Variants in GAB2 observed in about 807,000 individuals in gnomAD.
The protein encoded by GAB2 is GRB2 associated binding protein 2.
A neutral mutation model predicts 65.5 loss-of-function variants in GAB2; 26 were observed. The ratio of observed to expected loss-of-function variants is 0.40; its 90% CI spans 0.29 to 0.55. GAB2 has a LOEUF of 0.55. Ranked by LOEUF, GAB2 falls within the 20% of genes least tolerant of loss-of-function variation. The pLI is 0.53. For missense variants in GAB2, 884 were observed against 875.8 expected (o/e 1.01, Z -0.12); for synonymous variants, 321 against 329.6 (o/e 0.97, Z 0.28).
At chr11:78,400,018 G>T (rs184181652) in intron 1 of GAB2, among the ~76,000 whole-genome samples, 1 of 152,280 alleles carries the variant, frequency 6.6e-6, no homozygotes, top group Admixed American at 6.5e-5. Context: ...CCATCTGTGA[G>T]GGAAAGACTC....
At chr11:78,263,359 C>A (rs1678342973) in intron 2 of GAB2, among the ~76,000 whole-genome samples, 1 of 146,260 alleles carries the variant, frequency 6.8e-6, no homozygotes, top group Admixed American at 7.1e-5. Context: ...TCTGGCCGGG[C>A]GCAGTCACTC....
chr11:78,229,092 T>C (rs1341745663), intron 3 of GAB2, among the ~76,000 whole-genome samples: 1 of 152,036 alleles, frequency 6.6e-6, no homozygotes, highest in African/African-American at 2.4e-5. Context: ...ATCATTACAG[T>C]CAAGTAGGGG....
chr11:78,222,449 G>A (rs1030647744), intron 6 of GAB2, among the ~76,000 whole-genome samples: 3 of 150,124 alleles, frequency 2.0e-5, no homozygotes, highest in African/African-American at 7.3e-5. Flanking sequence ...TCAAAAGTGG[G>A]GACACAGGGT....
intron 1 of GAB2, among the ~76,000 whole-genome samples, chr11:78,338,854 A>G (rs116725448): frequency 0.013 from 1,927 of 152,268 alleles, 37 homozygotes; most frequent in African/African-American, 0.044. Flanking sequence ...TGGGTTTTAG[A>G]CTAAGGGCAA....
In GAB2 at chr11:78,226,749, T is replaced by G; in HGVS notation, c.923A>C (p.Asp308Ala). Residue 308 changes from aspartate to alanine, a missense_variant, in exon 4 of 10, where the codon GAC becomes GCC. Transcript: ENST00000361507. ...AACATCCATATTGTCTACCAGGAGG[T>G]CCCCGAACTCCCTGCACAGGGTGTT... ...PSNTLCREFGDLLVDNMDVPA... is the reference protein window; with the variant it reads ...PSNTLCREFGALLVDNMDVPA... The G allele has an allele frequency of 6.2e-7, 1 of 1,613,818 alleles. No individual in the cohort carries two copies. The highest frequency in any genetic ancestry group is 8.5e-7 in the Non-Finnish European group (1 of 1,179,930).
Position 78,344,664 on chromosome 11 carries a change from C to A in GAB2, c.76-63763G>T, listed in dbSNP as rs947693845. Among the ~76,000 whole-genome samples the A allele has an allele frequency of 3.3e-5, 5 of 152,004 alleles. No homozygotes were observed. In the East Asian group the frequency reaches 9.7e-4, roughly 29 times the overall value. On this transcript the variant is annotated intron_variant, in intron 1 of 9. Coordinates refer to ENST00000361507, the MANE Select transcript of GAB2 (RefSeq NM_080491.3). ...ACAAAACCTAAGATATTTCATAGAT[C>A]TAACTGTAAATGTTATTCATCTACA...
chr11:78,265,203 C>CACATATATATATATATATAT (rs1554980506), intron 2 of GAB2, among the ~76,000 whole-genome samples: 6 of 144,842 alleles, frequency 4.1e-5, no homozygotes, highest in Non-Finnish European at 6.1e-5. Context: ...TTCTATACCA[C>CACATATATATATATATATAT]ATATATATAT....
Position 78,346,692 on chromosome 11 carries a change from TATATATATATATATATATATATATATATA to T in GAB2, c.76-65820_76-65792del, listed in dbSNP as rs1283981596. ...TCCCCTCCATATATATATATATATATATATATATATATATATATATATATATATAATTTTTTTTTTTTTTAGGAAAAGAA... is the reference window on the plus strand; with the variant it reads ...TCCCCTCCATATATATATATATATATATTTTTTTTTTTTTTAGGAAAAGAA... On this transcript the variant is annotated intron_variant, in intron 1 of 9. Transcript: ENST00000361507. 4.1e-3 allele frequency among the ~76,000 whole-genome samples: 372 copies of T among 90,086 alleles called. 14 individuals are homozygous for T. In the Middle Eastern group the frequency reaches 0.048, roughly 12 times the overall value. 59.1% of individuals were successfully genotyped at this position (90,086 alleles called of 152,430 possible).
rs77538333 is a variant in GAB2, at chr11:78,306,167, T to C, written c.76-25266A>G. 1.6e-4 allele frequency among the ~76,000 whole-genome samples: 25 copies of C among 152,304 alleles called. No individual in the cohort carries two copies. The East Asian group carries it at 2.5e-3, about 15-fold the overall frequency. ...CATGAGCTTTCAATAAACTAGAATA[T>C]AACCTGATTTACTAATATAAATCCA... On this transcript the variant is annotated intron_variant, in intron 1 of 9. Transcript: ENST00000361507.
At chr11:78,302,837 G>C (rs1373968742) in intron 1 of GAB2, among the ~76,000 whole-genome samples, 1 of 152,178 alleles carries the variant, frequency 6.6e-6, no homozygotes, top group African/African-American at 2.4e-5. Flanking sequence ...TATACAGATA[G>C]ATATATGATG....
At chr11:78,230,771 A>T (rs138742186) in intron 3 of GAB2, among the ~76,000 whole-genome samples, 9 of 152,386 alleles carry the variant, frequency 5.9e-5, no homozygotes, top group Non-Finnish European at 1.3e-4. Flanking sequence ...TTGTTCTAGC[A>T]GCCAGGTCTC....
At chr11:78,287,816 T>C (rs1036221562) in intron 1 of GAB2, among the ~76,000 whole-genome samples, 6 of 151,124 alleles carry the variant, frequency 4.0e-5, no homozygotes, top group Admixed American at 3.9e-4. Flanking sequence ...ACTGGCTAAT[T>C]TTTGTATTTT....
At chr11:78,351,611 T>C (rs1856279524) in intron 1 of GAB2, among the ~76,000 whole-genome samples, 1 of 152,236 alleles carries the variant, frequency 6.6e-6, no homozygotes, top group Non-Finnish European at 1.5e-5. Flanking sequence ...GTGCTTCATT[T>C]ACCATTTCTA....
intron 1 of GAB2, among the ~76,000 whole-genome samples, chr11:78,355,660 G>C (rs1006760754): frequency 9.5e-6 from 1 of 104,968 alleles, no homozygotes; most frequent in Admixed American, 1.3e-4. Context: ...CTGGGAAACA[G>C]AGAGAGACCC....
intron 3 of GAB2, among the ~76,000 whole-genome samples, chr11:78,245,735 C>T (rs1865276236): frequency 6.6e-6 from 1 of 152,202 alleles, no homozygotes; most frequent in Non-Finnish European, 1.5e-5. Flanking sequence ...ATTTCTGTTG[C>T]TCTTCCTTCA....
At chr11:78,407,604 G>T (rs932204106) in intron 1 of GAB2, among the ~76,000 whole-genome samples, 1 of 145,518 alleles carries the variant, frequency 6.9e-6, no homozygotes, top group African/African-American at 2.6e-5. Context: ...TTGCATTCCA[G>T]CCTGGGTGAC....
chr11:78,225,388 G>C (rs540930579), intron 4 of GAB2, among the ~76,000 whole-genome samples, 186 bp from the exon 5 acceptor site: 4 of 152,298 alleles, frequency 2.6e-5, no homozygotes, highest in African/African-American at 9.6e-5. Flanking sequence ...TGGGCTTCTA[G>C]ATGTAGCTCC....
At chr11:78,320,681 G>A (rs1205976919) in intron 1 of GAB2, among the ~76,000 whole-genome samples, 1 of 92,090 alleles carries the variant, frequency 1.1e-5, no homozygotes, top group East Asian at 2.1e-4. Flanking sequence ...CTCCCAAGTA[G>A]CTATGATTAC....
At chr11:78,334,426 G>C (rs979836075) in intron 1 of GAB2, among the ~76,000 whole-genome samples, 2 of 151,982 alleles carry the variant, frequency 1.3e-5, no homozygotes, top group African/African-American at 2.4e-5. Context: ...CCCAGCCTCT[G>C]GTAACCATCC....
Sources: allele counts gnomAD v4.1 joint callset (sites outside exome capture counted in the v4.1 genomes callset), GRCh38; gene constraint gnomAD v4.1.1; transcripts MANE v1.5; gene names NCBI Gene and HGNC (gene_info 2026-07-23, HGNC 2026-07-21).